FAM193A: variants seen among roughly 807,000 people sequenced by gnomAD.
FAM193A encodes protein FAM193A.
In FAM193A, 22 loss-of-function variants were observed where a neutral mutation model predicts 126.5. That is an observed-to-expected ratio of 0.17 (90% CI 0.12 to 0.25). FAM193A has a LOEUF of 0.25. Ranked by LOEUF, FAM193A falls within the 10% of genes least tolerant of loss-of-function variation. The pLI is 1.00. For synonymous variants in FAM193A, 761 were observed against 646.8 expected, an observed-to-expected ratio of 1.18 and a Z score of -2.68; for missense variants, 1,675 against 1,672.8, an observed-to-expected ratio of 1.00 and a Z score of -0.02.
intron 2 of FAM193A, among the ~76,000 whole-genome samples, chr4:2,624,065 A>G (rs994731475): frequency 2.0e-5 from 3 of 152,018 alleles, no homozygotes; most frequent in Non-Finnish European, 4.4e-5. Context: ...CTTGGTGCCG[A>G]TGGAAGGGTA....
At chr4:2,610,438 G>A (rs569570188) in intron 2 of FAM193A, among the ~76,000 whole-genome samples, 1 of 152,258 alleles carries the variant, frequency 6.6e-6, no homozygotes, top group Admixed American at 6.5e-5. Flanking sequence ...TCTTTGCAGT[G>A]AACTTCATGA....
chr4:2,732,572 G>A lies in FAM193A; in HGVS notation c.*704G>A, dbSNP rs1721521043. 6.6e-6 allele frequency: 1 copy of A among 152,634 alleles called. No individual in the cohort carries two copies. Among genetic ancestry groups the A allele is most frequent in the Non-Finnish European group, 1.5e-5 (1 of 68,126 alleles). The allele number at this position is 152,634 out of a possible 1,614,324, so 9.5% of individuals were successfully genotyped here. A position where few individuals can be genotyped will look rare whatever the true frequency, so the allele number is the denominator to read the frequency against. On this transcript the variant is annotated 3_prime_UTR_variant, in exon 21 of 21. Transcript: ENST00000637812. ...AAGATGGAATACATTAGTACAGCAG[G>A]AGACCTCGGCTGCTTCTTTCTGCTG...
intron 1 of FAM193A, among the ~76,000 whole-genome samples, chr4:2,553,382 GTTT>G (rs71178479): frequency 5.9e-5 from 7 of 119,594 alleles, no homozygotes; most frequent in Admixed American, 9.0e-5. Context: ...CCTTCTTTTT[GTTT>G]TTTTTTTTTT....
intron 1 of FAM193A, among the ~76,000 whole-genome samples, chr4:2,581,671 A>T (rs1739948907): frequency 6.6e-6 from 1 of 151,620 alleles, no homozygotes; most frequent in Non-Finnish European, 1.5e-5. Flanking sequence ...TTTGAGACGG[A>T]GTCTCGCTCT....
chr4:2,550,776 TTTATTTA>T (rs1737872382), intron 1 of FAM193A, among the ~76,000 whole-genome samples: 1 of 3,294 alleles, frequency 3.0e-4, no homozygotes, highest in African/African-American at 8.5e-4. Flanking sequence ...TATATTTTTA[TTTATTTA>T]TTTATTTATT....
chr4:2,650,645 A>C (rs1358477235), intron 7 of FAM193A, among the ~76,000 whole-genome samples: 1 of 152,062 alleles, frequency 6.6e-6, no homozygotes, highest in Non-Finnish European at 1.5e-5. Context: ...AGGCTCCTTA[A>C]TCCAAGAGTG....
chr4:2,656,892 C>T (rs866895168), intron 7 of FAM193A, among the ~76,000 whole-genome samples: 1 of 152,188 alleles, frequency 6.6e-6, no homozygotes, highest in Admixed American at 6.5e-5. Flanking sequence ...GCCAGGCGGG[C>T]ACAGTGGCTC....
chr4:2,648,695 C>A (rs957628122), intron 7 of FAM193A, among the ~76,000 whole-genome samples: 4 of 152,194 alleles, frequency 2.6e-5, no homozygotes, highest in Non-Finnish European at 4.4e-5. Context: ...GCAGAGAGGG[C>A]GCTGAAAGCT....
intron 20 of FAM193A, among the ~76,000 whole-genome samples, chr4:2,721,710 A>C (rs1296851248): frequency 6.6e-6 from 1 of 152,156 alleles, no homozygotes; most frequent in African/African-American, 2.4e-5. Flanking sequence ...ATAACTGTTA[A>C]ATTACTTTGG....
chr4:2,706,291 C>CTTTTTTT lies in FAM193A; in HGVS notation c.4372+5763_4372+5769dup, dbSNP rs59143784. ...TGTCCTACAATAAATTTCTTTCTTT[C>CTTTTTTT]TTTTTTTTTTTTTTTTTTTTTTGAG... On this transcript the variant is annotated intron_variant, in intron 19 of 20. Coordinates refer to ENST00000637812, the MANE Select transcript of FAM193A (RefSeq NM_001366318.2). Among the ~76,000 whole-genome samples, 78 of 108,610 alleles carry CTTTTTTT rather than the reference C, an allele frequency of 7.2e-4. 3 individuals carry two copies. The highest frequency in any genetic ancestry group is 1.4e-3 in the African/African-American group (39 of 27,992). 71.3% of individuals were successfully genotyped at this position (108,610 alleles called of 152,430 possible).
chr4:2,553,155 CATT>C (rs1202273837), intron 1 of FAM193A, among the ~76,000 whole-genome samples: 1 of 151,880 alleles, frequency 6.6e-6, no homozygotes, highest in East Asian at 1.9e-4. Flanking sequence ...GCCGAAGTTT[CATT>C]TTCATTCAGT....
Position 2,695,069 on chromosome 4 carries a change from C to G in FAM193A, c.3216C>G (p.Thr1072=), listed in dbSNP as rs550218868. The change falls in exon 17 of 21, where the codon ACC becomes ACG. Residue 1072 remains threonine, a synonymous_variant. Coordinates refer to ENST00000637812, the MANE Select transcript of FAM193A (RefSeq NM_001366318.2). ...ACAGCTCCAGCACCTCGACCTCCAC[C>G]AACCAGAAGGAGGGCAAGTACTGCG... ...SEHSSSTSTS[T]NQKEGKYCDC... 1 of 1,609,744 alleles carries G rather than the reference C, an allele frequency of 6.2e-7. No individual in the cohort carries two copies. Among genetic ancestry groups the G allele is most frequent in the Non-Finnish European group, 8.5e-7 (1 of 1,178,200 alleles).
intron 15 of FAM193A, among the ~76,000 whole-genome samples, chr4:2,692,073 C>G (rs562360987): frequency 3.3e-5 from 5 of 152,216 alleles, no homozygotes; most frequent in Non-Finnish European, 5.9e-5. Context: ...TGACAGATTA[C>G]AGCAGGATGA....
intron 20 of FAM193A, among the ~76,000 whole-genome samples, chr4:2,728,627 C>T (rs1020377328): frequency 6.6e-6 from 1 of 152,008 alleles, no homozygotes; most frequent in African/African-American, 2.4e-5. Flanking sequence ...TGGTTAAAGC[C>T]ATAAAGGGAT....
At chr4:2,669,001 C>T (rs1713477378) in intron 12 of FAM193A, among the ~76,000 whole-genome samples, 1 of 152,020 alleles carries the variant, frequency 6.6e-6, no homozygotes, top group South Asian at 2.1e-4. Context: ...CACCATGGCA[C>T]CCGGCTAATT....
At chr4:2,579,222 C>T (rs999218209) in intron 1 of FAM193A, among the ~76,000 whole-genome samples, 14 of 150,432 alleles carry the variant, frequency 9.3e-5, no homozygotes, top group Admixed American at 2.0e-4. Context: ...TGGCTGGGCG[C>T]GGTGGCTCAC....
chr4:2,730,462 G>C (rs1012853694), intron 20 of FAM193A, among the ~76,000 whole-genome samples: 1 of 151,922 alleles, frequency 6.6e-6, no homozygotes, highest in Non-Finnish European at 1.5e-5. Context: ...AGGCCGAGGA[G>C]GGCAGATCAC....
intron 4 of FAM193A, among the ~76,000 whole-genome samples, chr4:2,627,292 C>T (rs1276605622): frequency 6.6e-6 from 1 of 151,552 alleles, no homozygotes; most frequent in Non-Finnish European, 1.5e-5. Flanking sequence ...TCCAGAGTAG[C>T]TGGGATTACA....
chr4:2,724,060 T>C (rs1164631325), intron 20 of FAM193A, among the ~76,000 whole-genome samples: 1 of 151,608 alleles, frequency 6.6e-6, no homozygotes, highest in Non-Finnish European at 1.5e-5. Flanking sequence ...ACTCAAAAGA[T>C]AATTGACAAA....
Sources: allele counts gnomAD v4.1 joint callset (sites outside exome capture counted in the v4.1 genomes callset), GRCh38; gene constraint gnomAD v4.1.1; transcripts MANE v1.5; gene names NCBI Gene and HGNC (gene_info 2026-07-23, HGNC 2026-07-21).